The following DYNLL1 variants were observed in gnomAD, a reference collection of about 807,000 sequenced individuals.
DYNLL1 encodes dynein light chain LC8-type 1.
Under a neutral mutation model 10.1 loss-of-function variants are expected in DYNLL1, and 3 were observed. The observed-to-expected ratio is 0.30, with a 90% CI of 0.14 to 0.77. The LOEUF is 0.77. Ranked by LOEUF, DYNLL1 falls within the 30% of genes least tolerant of loss-of-function variation. The pLI is 0.66. For missense variants in DYNLL1, 47 were observed against 111.7 expected (o/e 0.42, Z 2.61); for synonymous variants, 46 against 41.2 (o/e 1.12, Z -0.45).
chr12:120,492,183 A>T (rs149849468), upstream of DYNLL1: 1 of 152,186 alleles, frequency 6.6e-6, no homozygotes, highest in African/African-American at 2.4e-5. This position sits in a 1 kb window ranked among gnomAD's most constrained non-coding sequence, Gnocchi z 4.1. Context: ...AATGTGTCTA[A>T]ATGTCTGGTA....
Position 120,496,126 on chromosome 12 carries a change from T to G in DYNLL1, c.-97T>G. Reference sequence around the variant, plus strand: ...GTGGGGCTGCTTAGATGCGCCACGGTTTCGGTAGCGACGGTATCTCTAGCC... The same window carrying G: ...GTGGGGCTGCTTAGATGCGCCACGGGTTCGGTAGCGACGGTATCTCTAGCC... On this transcript the variant is annotated 5_prime_UTR_variant, in exon 1 of 3. Transcript: ENST00000242577. 2 of 493,314 alleles carry G rather than the reference T, an allele frequency of 4.1e-6. No individual in the cohort carries two copies. The highest frequency in any genetic ancestry group is 2.4e-5 in the South Asian group (1 of 42,298). 30.6% of individuals were successfully genotyped at this position (493,314 alleles called of 1,614,324 possible).
upstream of DYNLL1, among the ~76,000 whole-genome samples, chr12:120,493,548 AAAAT>A: frequency 6.6e-6 from 1 of 151,892 alleles, no homozygotes; most frequent in South Asian, 2.1e-4. Context: ...ACTTATTTAA[AAAAT>A]AAAGGGAGTT....
intron 1 of DYNLL1, among the ~76,000 whole-genome samples, chr12:120,474,731 C>T (rs79145135): frequency 0.029 from 4,379 of 152,228 alleles, 146 homozygotes; most frequent in East Asian, 0.12. Context: ...TCATGAGCTC[C>T]TCCCAGACCT....
At chr12:120,470,890 C>A (rs564646664) in intron 1 of DYNLL1, among the ~76,000 whole-genome samples, 2 of 152,006 alleles carry the variant, frequency 1.3e-5, no homozygotes, top group South Asian at 4.2e-4. Flanking sequence ...ACTAAAAATA[C>A]AAAAATTAGC....
At chr12:120,473,793 G>T (rs554866379) in intron 1 of DYNLL1, among the ~76,000 whole-genome samples, 1 of 151,492 alleles carries the variant, frequency 6.6e-6, no homozygotes, top group Non-Finnish European at 1.5e-5. Context: ...CAAGTGATCC[G>T]CCCATCTCGG....
intron 1 of DYNLL1, among the ~76,000 whole-genome samples, chr12:120,470,560 T>C (rs544487087): frequency 1.1e-4 from 17 of 152,240 alleles, no homozygotes; most frequent in Non-Finnish European, 2.4e-4. Context: ...TCGATCTCGC[T>C]GGACTCAGGT....
At chr12:120,472,664 A>T (rs573925098) in intron 1 of DYNLL1, among the ~76,000 whole-genome samples, 1 of 152,368 alleles carries the variant, frequency 6.6e-6, no homozygotes, top group South Asian at 2.1e-4. Context: ...TAAGTGACTC[A>T]ATAGGACTGT....
chr12:120,496,264 C>G, intron 1 of DYNLL1, 48 bp downstream of exon 1: 1 of 1,159,766 alleles, frequency 8.6e-7, no homozygotes, highest in Non-Finnish European at 1.2e-6. Flanking sequence ...CTTATTTCGC[C>G]CCACTCCGGA....
chr12:120,482,631 C>T (rs1355745442), intron 1 of DYNLL1, among the ~76,000 whole-genome samples: 1 of 151,718 alleles, frequency 6.6e-6, no homozygotes, highest in Non-Finnish European at 1.5e-5. Flanking sequence ...CTAGCCAAAA[C>T]AATTTTTTTA....
rs1403725194 is a variant in DYNLL1, at chr12:120,496,609, C to T, written c.132+56C>T. 8 of 1,613,452 alleles carry T rather than the reference C, an allele frequency of 5.0e-6. No homozygotes were observed. In the African/African-American group the frequency reaches 1.1e-4, roughly 22 times the overall value. On this transcript the variant is annotated intron_variant, in intron 2 of 2. Coordinates refer to ENST00000242577, the MANE Select transcript of DYNLL1 (RefSeq NM_003746.3). The stretch of plus-strand genomic sequence containing the variant: ...CCGGGAGCAGGGGGTTCCTTCCCCC[C>T]GATCCTGCTTTCCTAAGGGCGCCTG...
Position 120,473,149 on chromosome 12 carries a change from C to T in DYNLL1, c.-7+3045C>T, listed in dbSNP as rs1032662177. ...AAGGATAAGCTGCTTGAGACTACAT[C>T]GGAGGGTCACCTACCACAGTCTTAG... On this transcript the variant is annotated intron_variant, in intron 1 of 2. Coordinates refer to the DYNLL1 transcript ENST00000392509. 2.6e-5 allele frequency among the ~76,000 whole-genome samples: 4 copies of T among 152,240 alleles called. No individual in the cohort carries two copies. In the South Asian group the frequency reaches 6.2e-4, roughly 24 times the overall value.
At chr12:120,486,376 G>T (rs577698923) in intron 1 of DYNLL1, among the ~76,000 whole-genome samples, 1 of 152,184 alleles carries the variant, frequency 6.6e-6, no homozygotes, top group African/African-American at 2.4e-5. Context: ...AAGTTTGGGG[G>T]TACCAAGGGT....
chr12:120,496,566 G>T lies in DYNLL1; in HGVS notation c.132+13G>T, dbSNP rs2137071406. On this transcript the variant is annotated intron_variant, in intron 2 of 2. Coordinates refer to ENST00000242577, the MANE Select transcript of DYNLL1 (RefSeq NM_003746.3). ...TCATATCAAGAAGGTGAGGATGGGCGCGGGGGCCGATACGCAGCCGGGAGC... is the reference window on the plus strand; with the variant it reads ...TCATATCAAGAAGGTGAGGATGGGCTCGGGGGCCGATACGCAGCCGGGAGC... 1.2e-6 allele frequency: 2 copies of T among 1,613,676 alleles called. No homozygotes were observed. The highest frequency in any genetic ancestry group is 3.3e-4 in the Middle Eastern group (2 of 6,060).
At chr12:120,497,382 C>G (rs1242931189) in intron 2 of DYNLL1, 1 of 152,566 alleles carries the variant, frequency 6.6e-6, no homozygotes, top group Non-Finnish European at 1.5e-5. Context: ...GTTCCTACAA[C>G]TTGCTAACCT....
intron 1 of DYNLL1, among the ~76,000 whole-genome samples, chr12:120,477,732 G>A (rs900469533): frequency 7.2e-5 from 11 of 151,988 alleles, no homozygotes; most frequent in Non-Finnish European, 1.6e-4. Context: ...CTAGGGTCTC[G>A]CCACTGTACT....
At position 120,478,114 on chromosome 12, in the gene DYNLL1, G is replaced by GT. The variant is rs1011773821; in HGVS notation, c.-7+8021dup. 9.0e-3 allele frequency among the ~76,000 whole-genome samples: 1,223 copies of GT among 136,644 alleles called. 14 individuals are homozygous for GT. The highest frequency in any genetic ancestry group is 0.015 in the Non-Finnish European group (941 of 62,994). The allele number at this position is 136,644 out of a possible 152,430, so 89.6% of individuals were successfully genotyped here. A position where few individuals can be genotyped will look rare whatever the true frequency, so the allele number is the denominator to read the frequency against. On this transcript the variant is annotated intron_variant, in intron 1 of 2. Coordinates refer to the DYNLL1 transcript ENST00000392509. Reference sequence around the variant, plus strand: ...GCCAAAAGTTTTTTTTTTTGTTGTTGTTTTTTTTTTTGAGAAGGAGTTTCA... The same window carrying GT: ...GCCAAAAGTTTTTTTTTTTGTTGTTGTTTTTTTTTTTTGAGAAGGAGTTTCA...
chr12:120,472,081 A>G (rs1375219335), intron 1 of DYNLL1, among the ~76,000 whole-genome samples: 1 of 152,220 alleles, frequency 6.6e-6, no homozygotes, highest in Non-Finnish European at 1.5e-5. Context: ...TGTTTTTAAT[A>G]TGACAGAGAT....
chr12:120,474,380 C>T (rs1207982172), intron 1 of DYNLL1, among the ~76,000 whole-genome samples: 4 of 151,796 alleles, frequency 2.6e-5, no homozygotes, highest in Non-Finnish European at 5.9e-5. Context: ...AATGCAGTTC[C>T]CACAGCAAGC....
upstream of DYNLL1, among the ~76,000 whole-genome samples, chr12:120,494,789 G>A (rs1426620906): frequency 1.3e-5 from 2 of 152,144 alleles, no homozygotes; most frequent in African/African-American, 4.8e-5. Context: ...AGAGTAGATG[G>A]TCAGAGGAAA....
Sources: gnomAD v4.1 joint callset for allele counts (sites outside exome capture counted in the v4.1 genomes callset) on GRCh38, gnomAD v4.1.1 for gene constraint, Gnocchi (gnomAD v3.1) non-coding constraint, MANE v1.5 for transcripts, NCBI Gene and HGNC (gene_info 2026-07-23, HGNC 2026-07-21) for gene names.